The following NSMCE2 variants were observed in gnomAD, a reference collection of about 807,000 sequenced individuals.
The protein encoded by NSMCE2 is E3 SUMO-protein ligase NSE2.
NSMCE2 carries 24 observed loss-of-function variants against 23.8 expected under a neutral mutation model. That is an observed-to-expected ratio of 1.01 (90% confidence interval 0.73 to 1.42). The LOEUF is 1.42. Among genes scored for constraint, NSMCE2 ranks in the 40% most tolerant of loss-of-function variants. The probability of loss-of-function intolerance (pLI) is 0.00; values close to 1 mark genes in which losing one functional copy is unlikely to be tolerated. For missense variants in NSMCE2, 284 were observed against 296.5 expected (o/e 0.96, Z 0.31); for synonymous variants, 92 against 94.1 (o/e 0.98, Z 0.13).
chr8:125,103,376 G>A (rs749915221), intron 3 of NSMCE2, among the ~76,000 whole-genome samples: 2 of 151,220 alleles, frequency 1.3e-5, no homozygotes, highest in African/African-American at 2.4e-5. Context: ...TTTTACACAT[G>A]GAGCCAGAGG....
chr8:125,285,606 C>G (rs1827859437), intron 5 of NSMCE2, among the ~76,000 whole-genome samples: 2 of 152,084 alleles, frequency 1.3e-5, no homozygotes, highest in Non-Finnish European at 1.5e-5. Flanking sequence ...ACCTATAAAG[C>G]TCTTAGTGTC....
At chr8:125,327,569 A>G (rs986755789) in intron 5 of NSMCE2, among the ~76,000 whole-genome samples, 1 of 152,096 alleles carries the variant, frequency 6.6e-6, no homozygotes, top group African/African-American at 2.4e-5. Context: ...AACATCTACC[A>G]TTTTGTAGTA....
At chr8:125,277,284 A>G (rs1476567207) in intron 5 of NSMCE2, among the ~76,000 whole-genome samples, 1 of 152,124 alleles carries the variant, frequency 6.6e-6, no homozygotes, top group Admixed American at 6.5e-5. Context: ...CATTCTTGCT[A>G]GCTCCTGAGA....
chr8:125,152,690 A>T (rs1245897391), intron 4 of NSMCE2, among the ~76,000 whole-genome samples: 1 of 152,232 alleles, frequency 6.6e-6, no homozygotes, highest in Non-Finnish European at 1.5e-5. Flanking sequence ...TTTGGAGTCA[A>T]AGAACGTTAT....
At chr8:125,160,258 A>T (rs1821536993) in intron 4 of NSMCE2, among the ~76,000 whole-genome samples, 1 of 152,230 alleles carries the variant, frequency 6.6e-6, no homozygotes, top group Non-Finnish European at 1.5e-5. Flanking sequence ...CACCTAAAAC[A>T]GTTCTGTCAC....
chr8:125,146,677 A>G (rs1434765934), intron 3 of NSMCE2, among the ~76,000 whole-genome samples: 3 of 152,146 alleles, frequency 2.0e-5, no homozygotes, highest in Non-Finnish European at 4.4e-5. Context: ...GTTCTCACTC[A>G]TAGGTGGGAA....
intron 5 of NSMCE2, among the ~76,000 whole-genome samples, chr8:125,195,011 G>A (rs1823548871): frequency 6.6e-6 from 1 of 152,016 alleles, no homozygotes; most frequent in South Asian, 2.1e-4. Context: ...CATACCAGTA[G>A]CATGAGCATC....
intron 5 of NSMCE2, among the ~76,000 whole-genome samples, chr8:125,209,205 G>A (rs1824232950): frequency 6.6e-6 from 1 of 152,074 alleles, no homozygotes; most frequent in South Asian, 2.1e-4. Flanking sequence ...TGTTTTTATT[G>A]AATAGTACTC....
At chr8:125,299,889 G>T (rs778314903) in intron 5 of NSMCE2, among the ~76,000 whole-genome samples, 1 of 135,330 alleles carries the variant, frequency 7.4e-6, no homozygotes, top group Non-Finnish European at 1.5e-5. Context: ...CAGAATCTCG[G>T]CTCGCTGCAG....
chr8:125,285,553 A>G (rs1586719586), intron 5 of NSMCE2, among the ~76,000 whole-genome samples: 1 of 152,160 alleles, frequency 6.6e-6, no homozygotes, highest in South Asian at 2.1e-4. Flanking sequence ...AGACTGACAT[A>G]ACAGATGTTT....
chr8:125,196,400 G>A (rs1009473457), intron 5 of NSMCE2, among the ~76,000 whole-genome samples: 2 of 151,990 alleles, frequency 1.3e-5, no homozygotes, highest in Non-Finnish European at 2.9e-5. Flanking sequence ...TCCCCGCCCT[G>A]TGTCCAAGTG....
intron 5 of NSMCE2, among the ~76,000 whole-genome samples, chr8:125,312,407 C>T (rs989912678): frequency 6.6e-6 from 1 of 152,072 alleles, no homozygotes; most frequent in African/African-American, 2.4e-5. Flanking sequence ...GAGTGGATCA[C>T]AAGGTCAGGA....
intron 5 of NSMCE2, among the ~76,000 whole-genome samples, chr8:125,192,889 T>A (rs1287678845): frequency 6.6e-6 from 1 of 152,192 alleles, no homozygotes; most frequent in African/African-American, 2.4e-5. Flanking sequence ...ACATGTGCTG[T>A]CTTTTCAGTA....
chr8:125,282,959 A>C (rs570328354), intron 5 of NSMCE2, among the ~76,000 whole-genome samples: 3 of 152,362 alleles, frequency 2.0e-5, no homozygotes, highest in South Asian at 4.1e-4. Context: ...GTAGTCTAGC[A>C]TAATTGTTGA....
At chr8:125,231,829 A>G (rs1232318183) in intron 5 of NSMCE2, among the ~76,000 whole-genome samples, 1 of 152,162 alleles carries the variant, frequency 6.6e-6, no homozygotes, top group Admixed American at 6.5e-5. Context: ...TGTTCTCTCT[A>G]CCATGCACCT....
intron 1 of NSMCE2, among the ~76,000 whole-genome samples, chr8:125,095,441 G>A (rs537977860): frequency 2.6e-5 from 4 of 151,582 alleles, no homozygotes; most frequent in African/African-American, 9.7e-5. Context: ...AATTAAAAAA[G>A]AAAAATTGGC....
intron 5 of NSMCE2, among the ~76,000 whole-genome samples, chr8:125,301,754 C>T (rs1228213268): frequency 6.6e-6 from 1 of 150,380 alleles, no homozygotes; most frequent in African/African-American, 2.5e-5. Flanking sequence ...CCTCCGCTTA[C>T]TGGGTTCAAG....
At chr8:125,097,778 A>G (rs1818005340) in intron 1 of NSMCE2, among the ~76,000 whole-genome samples, 1 of 152,182 alleles carries the variant, frequency 6.6e-6, no homozygotes, top group Non-Finnish European at 1.5e-5. Flanking sequence ...CTGGAATATC[A>G]AATAGTTAAG....
At chr8:125,105,443 C>G (rs1818415097) in intron 3 of NSMCE2, among the ~76,000 whole-genome samples, 1 of 151,740 alleles carries the variant, frequency 6.6e-6, no homozygotes, top group African/African-American at 2.4e-5. Flanking sequence ...TTGAAGATTC[C>G]TGGGAGTTTT....
Sources: gnomAD v4.1 joint callset for allele counts (sites outside exome capture counted in the v4.1 genomes callset) on GRCh38, gnomAD v4.1.1 for gene constraint, MANE v1.5 for transcripts, NCBI Gene and HGNC (gene_info 2026-07-23, HGNC 2026-07-21) for gene names.